The following CHCHD5 variants were observed in gnomAD, a reference collection of about 807,000 sequenced individuals.
CHCHD5 encodes the protein coiled-coil-helix-coiled-coil-helix domain containing 5.
A neutral mutation model predicts 16.0 loss-of-function variants in CHCHD5; 10 were observed. The ratio of observed to expected loss-of-function variants is 0.63; its 90% CI spans 0.39 to 1.06. The LOEUF (loss-of-function observed/expected upper bound fraction) is 1.06, where lower values mean the gene tolerates loss of function less well. Ranked by LOEUF, CHCHD5 falls within the 50% of genes least tolerant of loss-of-function variation. The pLI is 0.01. For missense variants in CHCHD5, 163 were observed against 153.4 expected (o/e 1.06, Z -0.33); for synonymous variants, 55 against 56.3 (o/e 0.98, Z 0.10).
intron 2 of CHCHD5, 38 bp from the exon 3 acceptor site, chr2:112,586,162 G>C: frequency 6.2e-7 from 1 of 1,609,550 alleles, no homozygotes; most frequent in South Asian, 1.1e-5. Flanking sequence ...GCAGTGGGGT[G>C]GGAATCTCCC....
chr2:112,584,618 G>A lies in CHCHD5; in HGVS notation c.-30G>A, dbSNP rs760321736. The A allele has an allele frequency of 3.7e-6, 6 of 1,611,938 alleles. No individual in the cohort carries two copies. The Admixed American group carries it at 5.0e-5, about 13-fold the overall frequency. On this transcript the variant is annotated 5_prime_UTR_variant, in exon 1 of 4. Transcript: ENST00000324913. ...CCGGAAAAGGCGGGTCGTTCCCCCC[G>A]GACAGCCCTACGCCGGCAAAGGTCT...
chr2:112,588,873 C>T lies in CHCHD5; in HGVS notation c.317C>T (p.Pro106Leu). The change falls in exon 4 of 4, where the codon CCA becomes CTA. Residue 106 changes from proline (P) to leucine (L), a missense_variant. Transcript: ENST00000324913. ...PRSPATVEAQ[P>L]LPAS ...GATGTACTTTCTCCACAGGCACAGC[C>T]ACTTCCTGCCTCCTGAGGACTCCTC... 4 of 1,611,980 alleles carry T rather than the reference C, an allele frequency of 2.5e-6. No individual in the cohort carries two copies. The highest frequency in any genetic ancestry group is 3.4e-6 in the Non-Finnish European group (4 of 1,178,270).
intron 3 of CHCHD5, chr2:112,588,286 T>C (rs1402032300): frequency 6.7e-6 from 1 of 149,254 alleles, no homozygotes; most frequent in Admixed American, 6.7e-5. Flanking sequence ...CGAGACTCTG[T>C]CTTCCAAAAA....
intron 1 of CHCHD5, 103 bp downstream of exon 1, chr2:112,584,752 T>A: frequency 7.2e-7 from 1 of 1,390,224 alleles, no homozygotes; most frequent in South Asian, 1.2e-5. Flanking sequence ...CCAGCCTCCC[T>A]CCTTCTTGGA....
Position 112,586,020 on chromosome 2 carries a change from G to C in CHCHD5, c.49G>C (p.Glu17Gln), listed in dbSNP as rs1383533026. 6.2e-7 allele frequency: 1 copy of C among 1,614,168 alleles called. No individual in the cohort carries two copies. Among genetic ancestry groups the C allele is most frequent in the African/African-American group, 1.3e-5 (1 of 74,958 alleles). ...CGCTCGCTACTGTGGCCGGGAGCTGGAGCAGTATGGCCAGTGTGTGGCGGC... is the reference window on the plus strand; with the variant it reads ...CGCTCGCTACTGTGGCCGGGAGCTGCAGCAGTATGGCCAGTGTGTGGCGGC... Reference protein sequence around the residue: ...VTARYCGRELEQYGQCVAAKP... With the variant: ...VTARYCGRELQQYGQCVAAKP... Residue 17 changes from glutamate to glutamine, a missense_variant, in exon 2 of 4, where the codon GAG becomes CAG. By Grantham distance (29) the Glu-to-Gln change is conservative. Transcript: ENST00000324913.
At chr2:112,588,787 C>T in intron 3 of CHCHD5, 79 bp from the exon 4 acceptor site, 1 of 1,105,966 alleles carries the variant, frequency 9.0e-7, no homozygotes, top group Admixed American at 1.7e-5. Flanking sequence ...TGCAGGGTCT[C>T]CCTCTGTGGT....
At chr2:112,584,565 G>A (rs1263845685), upstream of CHCHD5, 3 of 1,586,142 alleles carry the variant, frequency 1.9e-6, no homozygotes, top group Non-Finnish European at 1.7e-6. Flanking sequence ...AAACCAGGCT[G>A]GGCTGGGCGC....
upstream of CHCHD5, chr2:112,584,523 A>C: frequency 8.3e-7 from 1 of 1,203,226 alleles, no homozygotes; most frequent in Non-Finnish European, 1.2e-6. Context: ...CCTAAAGGGA[A>C]CGGGGTTGTT....
chr2:112,585,917 A>T, intron 1 of CHCHD5, 57 bp from the exon 2 acceptor site: 1 of 1,556,416 alleles, frequency 6.4e-7, no homozygotes, highest in Non-Finnish European at 8.7e-7. Context: ...AAAAAAAAAA[A>T]GAATTCCCTT....
At chr2:112,586,510 A>T in intron 3 of CHCHD5, 145 bp downstream of exon 3, 1 of 1,552,448 alleles carries the variant, frequency 6.4e-7, no homozygotes, top group Non-Finnish European at 8.7e-7. Context: ...AATCCAGAAC[A>T]TCATCACTTC....
chr2:112,584,671 C>A (rs1341727281), intron 1 of CHCHD5, 22 bp downstream of exon 1: 3 of 1,613,814 alleles, frequency 1.9e-6, no homozygotes, highest in Admixed American at 1.7e-5. Flanking sequence ...GAGCGCCTAC[C>A]CCATACGTGC....
At position 112,586,811 on chromosome 2, in the gene CHCHD5, A is replaced by G. The variant is rs186568877; in HGVS notation, c.309+446A>G. ...TGCCTCACCCTCTCTCTTCTTTCTC[A>G]CTACTCCTCATCTGCAACTGCAGAG... On this transcript the variant is annotated intron_variant, in intron 3 of 3. Coordinates refer to ENST00000324913, the MANE Select transcript of CHCHD5 (RefSeq NM_032309.4). The G allele has an allele frequency of 1.8e-3, 889 of 483,120 alleles. 3 individuals are homozygous for G. The highest frequency in any genetic ancestry group is 2.7e-3 in the Non-Finnish European group (741 of 277,614). 29.9% of individuals were successfully genotyped at this position (483,120 alleles called of 1,614,324 possible). A position where few individuals can be genotyped will look rare whatever the true frequency, so the allele number is the denominator to read the frequency against.
chr2:112,584,619 G>A lies in CHCHD5; in HGVS notation c.-29G>A, dbSNP rs930678955. The stretch of plus-strand genomic sequence containing the variant: ...CGGAAAAGGCGGGTCGTTCCCCCCG[G>A]ACAGCCCTACGCCGGCAAAGGTCTC... On this transcript the variant is annotated 5_prime_UTR_variant, in exon 1 of 4. Transcript: ENST00000324913. The A allele has an allele frequency of 5.0e-6, 8 of 1,612,074 alleles. No homozygotes were observed. In the East Asian group the frequency reaches 1.6e-4, roughly 31 times the overall value.
At position 112,586,014 on chromosome 2, in the gene CHCHD5, G is replaced by T; in HGVS notation, c.43G>T (p.Glu15Ter). 6.2e-7 allele frequency: 1 copy of T among 1,614,272 alleles called. No homozygotes were observed. Among genetic ancestry groups the T allele is most frequent in the East Asian group, 2.2e-5 (1 of 44,890 alleles). ...GGTCACCGCTCGCTACTGTGGCCGGGAGCTGGAGCAGTATGGCCAGTGTGT... is the reference window on the plus strand; with the variant it reads ...GGTCACCGCTCGCTACTGTGGCCGGTAGCTGGAGCAGTATGGCCAGTGTGT... The part of the protein sequence containing the change: ...LEVTARYCGR[E>*]LEQYGQCVAA... The change falls in exon 2 of 4, where the codon GAG becomes TAG. Residue 15 changes from glutamate to a stop codon, truncating the protein, a stop_gained. Transcript: ENST00000324913. LOFTEE classifies it high-confidence loss of function.
chr2:112,584,751 C>T (rs1030679470), intron 1 of CHCHD5, 102 bp downstream of exon 1: 5 of 1,403,504 alleles, frequency 3.6e-6, no homozygotes, highest in African/African-American at 2.8e-5. Context: ...ACCAGCCTCC[C>T]TCCTTCTTGG....
At chr2:112,586,672 C>G in intron 3 of CHCHD5, 1 of 1,323,276 alleles carries the variant, frequency 7.6e-7, no homozygotes, top group Non-Finnish European at 1.0e-6. Flanking sequence ...GAAATCTGGT[C>G]TCATCACACC....
chr2:112,586,900 T>C, intron 3 of CHCHD5: 1 of 259,860 alleles, frequency 3.8e-6, no homozygotes, highest in Non-Finnish European at 7.4e-6. Context: ...GTAAACCAGA[T>C]ATACAGTATA....
rs1685219167 is a variant in CHCHD5, at chr2:112,586,276, G to A, written c.220G>A (p.Ala74Thr). 4.3e-6 allele frequency: 7 copies of A among 1,614,210 alleles called. No individual in the cohort carries two copies. The highest frequency in any genetic ancestry group is 5.9e-6 in the Non-Finnish European group (7 of 1,180,020). Residue 74 changes from alanine (A) to threonine (T), a missense_variant, in exon 3 of 4, where the codon GCA (alanine) becomes ACA (threonine). Physicochemically the swap from Ala to Thr is moderately conservative, Grantham distance 58 (BLOSUM62 0). Transcript: ENST00000324913. The stretch of plus-strand genomic sequence containing the variant: ...CGAGGAGTGTCTTCGACAGAACGAG[G>A]CAGCTGTGGGCAACTGTGCAGAGCA... ...AFEECLRQNE[A>T]AVGNCAEHMR...
chr2:112,588,660 A>G (rs1177262177), intron 3 of CHCHD5: 8 of 567,604 alleles, frequency 1.4e-5, no homozygotes, highest in East Asian at 3.0e-5. Context: ...TGCTCAGTAA[A>G]TATAGCAGAA....
Sources: gnomAD v4.1 joint callset for allele counts on GRCh38, gnomAD v4.1.1 for gene constraint, MANE v1.5 for transcripts, NCBI Gene and HGNC (gene_info 2026-07-23, HGNC 2026-07-21) for gene names.